Variants in PNPLA6 observed in about 807,000 individuals in gnomAD.
PNPLA6 encodes patatin like domain 6, lysophospholipase.
In PNPLA6, 105 loss-of-function variants were observed where a neutral mutation model predicts 153.7. The ratio of observed to expected loss-of-function variants is 0.68; its 90% CI spans 0.58 to 0.80. The LOEUF (loss-of-function observed/expected upper bound fraction) is 0.80. PNPLA6 is among the 30% of genes least tolerant of loss of function. PNPLA6 has a pLI of 0.00. For missense variants in PNPLA6, 1,423 were observed against 1,919.3 expected, an observed-to-expected ratio of 0.74 and a Z score of 4.83; for synonymous variants, 825 against 822.2, an observed-to-expected ratio of 1.00 and a Z score of -0.06.
rs148836693 is a variant in PNPLA6 at position 7,558,493 on chromosome 19, G to A, written c.3398-357G>A. 7.1e-3 allele frequency among the ~76,000 whole-genome samples: 1,084 copies of A among 152,300 alleles called. 16 individuals carry two copies. Among genetic ancestry groups the A allele is most frequent in the African/African-American group, 0.025 (1,031 of 41,560 alleles). On this transcript the variant is annotated intron_variant, in intron 27 of 31. Coordinates refer to ENST00000600737, the MANE Select transcript of PNPLA6 (RefSeq NM_001166114.2). ...CTAAAAATACAAAAATTAGCTGGGC[G>A]TGGTGGTGTATGCCTCTAATCCCAG...
chr19:7,542,915 T>C lies in PNPLA6; in HGVS notation c.1517T>C (p.Leu506Pro). 6.2e-7 allele frequency: 1 copy of C among 1,613,604 alleles called. No individual in the cohort carries two copies. Among genetic ancestry groups the C allele is most frequent in the Non-Finnish European group, 8.5e-7 (1 of 1,179,902 alleles). The change falls in exon 12 of 32, where the codon CTG (leucine) becomes CCG (proline). Residue 506 changes from leucine to proline, a missense_variant. Leu to Pro is a moderately conservative substitution (Grantham distance 98). Coordinates refer to ENST00000600737, the MANE Select transcript of PNPLA6 (RefSeq NM_001166114.2). ...FEAAKQELAK[L>P]MRIEDPSLLN... ...GCAGCAAAGCAGGAGCTGGCCAAGC[T>C]GATGCGGATTGAGGTGGGCAGCCGA...
chr19:7,549,316 A>G (rs1363036092), intron 13 of PNPLA6, among the ~76,000 whole-genome samples: 1 of 148,046 alleles, frequency 6.8e-6, no homozygotes, highest in Non-Finnish European at 1.5e-5. Context: ...CCTCCCAAGT[A>G]GCTGGGACTA....
At chr19:7,539,896 G>A (rs770435865) in intron 3 of PNPLA6, 22 bp from the exon 4 acceptor site, 44 of 627,592 alleles carry the variant, frequency 7.0e-5, no homozygotes, top group South Asian at 2.6e-4. Context: ...CCTCACCCCC[G>A]GCACCCCTCC....
chr19:7,541,376 G>C lies in PNPLA6; in HGVS notation c.947G>C (p.Arg316Pro), dbSNP rs1205336479. Residue 316 changes from arginine to proline, a missense_variant, in exon 8 of 32, where the codon CGA (arginine) becomes CCA (proline). Arg to Pro is a moderately radical substitution (Grantham distance 103). Coordinates refer to ENST00000600737, the MANE Select transcript of PNPLA6 (RefSeq NM_001166114.2). The surrounding 1 kb of genome is among the most constrained non-coding windows in gnomAD (Gnocchi z 5.2). ...CAGATCATCATGGTGCGGCTGCAGC[G>C]AGTCACCTTCCTGGCACTGCACAAC... ...VVQIIMVRLQ[R>P]VTFLALHNYL... The C allele has an allele frequency of 6.2e-7, 1 of 1,613,890 alleles. No homozygotes were observed. Among genetic ancestry groups the C allele is most frequent in the Non-Finnish European group, 8.5e-7 (1 of 1,179,924 alleles).
Position 7,555,770 on chromosome 19 carries a change from G to A in PNPLA6, c.3093+7G>A, listed in dbSNP as rs754051604. 6.2e-7 allele frequency: 1 copy of A among 1,612,900 alleles called. No homozygotes were observed. Among genetic ancestry groups the A allele is most frequent in the Non-Finnish European group, 8.5e-7 (1 of 1,179,818 alleles). On this transcript the variant is annotated splice_region_variant and intron_variant, in intron 24 of 31. Transcript: ENST00000600737. This position sits in a 1 kb window ranked among gnomAD's most constrained non-coding sequence, Gnocchi z 6.3. ...GGCCCGGGAGTGGGCCAAGGTGTGT[G>A]TTGCGAGGAGGGATTGCTGCACCCC...
At position 7,556,808 on chromosome 19, in the gene PNPLA6, G is replaced by A. The variant is rs1004717080; in HGVS notation, c.3280+84G>A. ...CTTCCGGGAGGGCCGCTGAGCTTCT[G>A]GGACGTTGTTAACACGAGTGACCGT... On this transcript the variant is annotated intron_variant, in intron 26 of 31. Coordinates refer to ENST00000600737, the MANE Select transcript of PNPLA6 (RefSeq NM_001166114.2). The A allele has an allele frequency of 4.9e-6, 5 of 1,020,046 alleles. No individual in the cohort carries two copies. The African/African-American group carries it at 7.9e-5, about 16-fold the overall frequency. 63.2% of individuals were successfully genotyped at this position (1,020,046 alleles called of 1,614,324 possible).
At chr19:7,546,244 C>T (rs1004000753) in intron 13 of PNPLA6, among the ~76,000 whole-genome samples, 4 of 152,064 alleles carry the variant, frequency 2.6e-5, no homozygotes, top group Admixed American at 2.6e-4. Flanking sequence ...AAAAGGAAGT[C>T]AGTGGGCCTC....
At chr19:7,535,515 G>C (rs768408642), upstream of PNPLA6, 16 of 1,585,598 alleles carry the variant, frequency 1.0e-5, no homozygotes, top group Admixed American at 2.7e-4. This position sits in a 1 kb window ranked among gnomAD's most constrained non-coding sequence, Gnocchi z 5.0. Context: ...CCAGGACTCC[G>C]GGCTACCAGA....
Position 7,541,861 on chromosome 19 carries a change from C to T in PNPLA6, c.1169-123C>T, listed in dbSNP as rs925634878. On this transcript the variant is annotated intron_variant, in intron 9 of 31. Transcript: ENST00000600737. This position sits in a 1 kb window ranked among gnomAD's most constrained non-coding sequence, Gnocchi z 5.2. ...GGTACCGAGGAAGCTGTGGCCTCGT[C>T]CCCAAGGGCCCATTGGAATTGCTTT... 3.3e-5 allele frequency: 36 copies of T among 1,107,378 alleles called. No homozygotes were observed. The highest frequency in any genetic ancestry group is 4.4e-5 in the Non-Finnish European group (33 of 741,890). 68.6% of individuals were successfully genotyped at this position (1,107,378 alleles called of 1,614,324 possible). A position where few individuals can be genotyped will look rare whatever the true frequency, so the allele number is the denominator to read the frequency against.
At chr19:7,542,189 G>A (rs909848363) in intron 10 of PNPLA6, 122 bp downstream of exon 10, 10 of 755,036 alleles carry the variant, frequency 1.3e-5, no homozygotes, top group Admixed American at 6.1e-5. Context: ...ACTTCCCCAG[G>A]CACTGTTTTG....
At position 7,560,329 on chromosome 19, in the gene PNPLA6, C is replaced by T. The variant is rs370859310; in HGVS notation, c.3700-319C>T. On this transcript the variant is annotated intron_variant, in intron 28 of 31. Transcript: ENST00000600737. Reference sequence around the variant, plus strand: ...ATGTTTGCTGTGGGCTTGGGGATGGCGACATCCACAGATGTACTGCCTGTT... The same window carrying T: ...ATGTTTGCTGTGGGCTTGGGGATGGTGACATCCACAGATGTACTGCCTGTT... Among the ~76,000 whole-genome samples the T allele has an allele frequency of 4.5e-4, 68 of 152,040 alleles. 1 individual carries two copies. In the South Asian group the frequency reaches 0.012, roughly 27 times the overall value.
At chr19:7,542,433 C>G (rs2023193346) in intron 10 of PNPLA6, 128 bp from the exon 11 acceptor site, 1 of 753,622 alleles carries the variant, frequency 1.3e-6, no homozygotes, top group Non-Finnish European at 2.3e-6. Context: ...CTCCTATGCT[C>G]AAGTGATCCT....
Position 7,540,800 on chromosome 19 carries a change from C to G in PNPLA6, c.795+90C>G. ...AAGGAAATCACAGGGTCCCCAATCT[C>G]TGGTTCATCCGTTATGCTGCCGATG... On this transcript the variant is annotated intron_variant, in intron 6 of 31. Coordinates refer to ENST00000600737, the MANE Select transcript of PNPLA6 (RefSeq NM_001166114.2). This position sits in a 1 kb window ranked among gnomAD's most constrained non-coding sequence, Gnocchi z 6.8. The G allele has an allele frequency of 6.4e-7, 1 of 1,553,696 alleles. No homozygotes were observed. The highest frequency in any genetic ancestry group is 8.9e-7 in the Non-Finnish European group (1 of 1,125,192).
chr19:7,547,811 A>ATTTTTTTTTTTTT (rs71286227), intron 13 of PNPLA6, among the ~76,000 whole-genome samples: 2 of 114,502 alleles, frequency 1.7e-5, no homozygotes, highest in African/African-American at 3.5e-5. Flanking sequence ...CTAATTAAAA[A>ATTTTTTTTTTTTT]TTTTTTTTTT....
intron 28 of PNPLA6, 38 bp from the exon 29 acceptor site, chr19:7,560,610 G>T: frequency 7.3e-7 from 1 of 1,364,382 alleles, no homozygotes. Context: ...AAGCAAAGCA[G>T]GGTTGCAGAC....
At chr19:7,536,331 A>G (rs756528618) in intron 2 of PNPLA6, 58 bp downstream of exon 2, 1 of 1,464,204 alleles carries the variant, frequency 6.8e-7, no homozygotes, top group South Asian at 1.1e-5. Context: ...CCCCTTCCCT[A>G]TTTACACTTC....
In PNPLA6 at chr19:7,542,776, C is replaced by T. The variant is rs757610420; in HGVS notation, c.1378C>T (p.Pro460Ser). The T allele has an allele frequency of 2.4e-5, 38 of 1,612,850 alleles. No individual in the cohort carries two copies. Among genetic ancestry groups the T allele is most frequent in the Non-Finnish European group, 3.2e-5 (38 of 1,179,896 alleles). ...CCCCACTCAGACCCCCACTCAGGAG[C>T]CTCGTGAGCAGCCGGCAGGCGCCTG... ...AAPARTPTQEPREQPAGACEY... is the reference protein window; with the variant it reads ...AAPARTPTQESREQPAGACEY... The change falls in exon 12 of 32, where the codon CCT (proline) becomes TCT (serine). Residue 460 changes from proline to serine, a missense_variant. Pro to Ser is a moderately conservative substitution (Grantham distance 74). Coordinates refer to ENST00000600737, the MANE Select transcript of PNPLA6 (RefSeq NM_001166114.2).
intron 27 of PNPLA6, 45 bp from the exon 28 acceptor site, chr19:7,558,805 C>T (rs765310928): frequency 4.2e-5 from 63 of 1,483,084 alleles, no homozygotes; most frequent in Middle Eastern, 2.0e-4. Flanking sequence ...ATCTCTGCCC[C>T]GGGCCCCCGA....
In PNPLA6 at chr19:7,540,075, A is replaced by C. The variant is rs1170781714; in HGVS notation, c.554+17A>C. ...GAACGTCCGGTCAGTGTTGGGGTGCAGGTGGGGGTGGAGGGCTGCAGACGT... is the reference window on the plus strand; with the variant it reads ...GAACGTCCGGTCAGTGTTGGGGTGCCGGTGGGGGTGGAGGGCTGCAGACGT... On this transcript the variant is annotated intron_variant, in intron 4 of 31. Coordinates refer to ENST00000600737, the MANE Select transcript of PNPLA6 (RefSeq NM_001166114.2). The surrounding 1 kb of genome is among the most constrained non-coding windows in gnomAD (Gnocchi z 6.8). 2 of 1,613,926 alleles carry C rather than the reference A, an allele frequency of 1.2e-6. No homozygotes were observed. The highest frequency in any genetic ancestry group is 1.7e-6 in the Non-Finnish European group (2 of 1,180,002).
Sources: gnomAD v4.1 joint callset for allele counts (sites outside exome capture counted in the v4.1 genomes callset) on GRCh38, gnomAD v4.1.1 for gene constraint, Gnocchi (gnomAD v3.1) non-coding constraint, MANE v1.5 for transcripts, NCBI Gene and HGNC (gene_info 2026-07-23, HGNC 2026-07-21) for gene names.